KCNG4: variants seen among roughly 807,000 people sequenced by gnomAD.
The protein encoded by KCNG4 is potassium voltage-gated channel modifier subfamily G member 4.
KCNG4 carries 30 observed loss-of-function variants against 28.2 expected under a neutral mutation model. The observed-to-expected ratio is 1.06, with a 90% confidence interval of 0.80 to 1.44. The LOEUF (loss-of-function observed/expected upper bound fraction) is 1.44, where lower values mean the gene tolerates loss of function less well. Among genes scored for constraint, KCNG4 ranks in the 40% most tolerant of loss-of-function variants. The pLI is 0.00. For missense variants in KCNG4, 879 were observed against 712.3 expected (o/e 1.23, Z -2.66); for synonymous variants, 375 against 315.5 (o/e 1.19, Z -2.00).
intron 2 of KCNG4, among the ~76,000 whole-genome samples, chr16:84,223,512 T>G (rs931211614): frequency 1.3e-5 from 2 of 152,162 alleles, no homozygotes; most frequent in African/African-American, 2.4e-5. Context: ...TATTCTAGTT[T>G]GGGGTCTCTT....
chr16:84,229,419 A>G (rs140571223), intron 2 of KCNG4, among the ~76,000 whole-genome samples: 5 of 152,330 alleles, frequency 3.3e-5, no homozygotes, highest in South Asian at 2.1e-4. Context: ...TGTGGTGAGG[A>G]TTAAATTAGG....
rs1334966719 is a variant in KCNG4 at position 84,219,853 on chromosome 16, C to G, written c.*2364G>C. 1 of 151,972 alleles carries G rather than the reference C, an allele frequency of 6.6e-6. No individual in the cohort carries two copies. The highest frequency in any genetic ancestry group is 2.4e-5 in the African/African-American group (1 of 41,382). The allele number at this position is 151,972 out of a possible 1,614,324, so 9.4% of individuals were successfully genotyped here. ...CAGGAGTTCAAGACCAGCCTGTCCA[C>G]ATGGTGAAACCTTGTCTCTACTAAA... On this transcript the variant is annotated 3_prime_UTR_variant, in exon 3 of 3. Coordinates refer to ENST00000308251, the MANE Select transcript of KCNG4 (RefSeq NM_172347.3).
At chr16:84,227,228 C>T (rs1438383725) in intron 2 of KCNG4, among the ~76,000 whole-genome samples, 2 of 152,226 alleles carry the variant, frequency 1.3e-5, no homozygotes, top group Non-Finnish European at 2.9e-5. Flanking sequence ...TGCAACCCAG[C>T]TGTTCCACTC....
At chr16:84,223,965 G>T (rs1373783219) in intron 2 of KCNG4, among the ~76,000 whole-genome samples, 1 of 152,170 alleles carries the variant, frequency 6.6e-6, no homozygotes, top group Non-Finnish European at 1.5e-5. Flanking sequence ...TAGCTCAGCA[G>T]TTCCAGCTGG....
intron 2 of KCNG4, among the ~76,000 whole-genome samples, chr16:84,225,260 C>T (rs936440514): frequency 2.6e-5 from 4 of 151,742 alleles, no homozygotes; most frequent in African/African-American, 9.7e-5. Flanking sequence ...TCCTGAAGGG[C>T]TCAGAAGTTT....
chr16:84,230,497 G>C (rs546743183), intron 2 of KCNG4, among the ~76,000 whole-genome samples: 2 of 149,036 alleles, frequency 1.3e-5, no homozygotes, highest in South Asian at 2.1e-4. Flanking sequence ...GCGTGAACCC[G>C]GGGGGCAGAG....
chr16:84,238,562 G>T (rs188369687), intron 1 of KCNG4, among the ~76,000 whole-genome samples: 1 of 152,160 alleles, frequency 6.6e-6, no homozygotes, highest in South Asian at 2.1e-4. Flanking sequence ...CTCTGGGCCC[G>T]CAGGCTTTTA....
chr16:84,230,899 C>T (rs1441442828), intron 2 of KCNG4, among the ~76,000 whole-genome samples: 1 of 152,214 alleles, frequency 6.6e-6, no homozygotes, highest in Non-Finnish European at 1.5e-5. Context: ...GCCTGCTTCT[C>T]CCACCGGGTC....
Position 84,222,258 on chromosome 16 carries a change from G to C in KCNG4, c.1519C>G (p.Leu507Val), listed in dbSNP as rs773583627. The change falls in exon 3 of 3, where the codon CTA becomes GTA. Residue 507 changes from leucine (L) to valine (V), a missense_variant. Leu to Val is a conservative substitution (Grantham distance 32, BLOSUM62 1). Transcript: ENST00000308251. The stretch of plus-strand genomic sequence containing the variant: ...GGCAAGGCTGGGCCCTCCAGGATTA[G>C]GTCATTGACATCGTTCATGAGCTCA... ...EHELMNDVND[L>V]ILEGPALPIM... The C allele has an allele frequency of 1.8e-5, 29 of 1,614,056 alleles. No individual in the cohort carries two copies. The highest frequency in any genetic ancestry group is 2.4e-5 in the Non-Finnish European group (28 of 1,180,038).
chr16:84,236,552 A>T, intron 2 of KCNG4, 178 bp downstream of exon 2: 1 of 845,694 alleles, frequency 1.2e-6, no homozygotes, highest in Non-Finnish European at 1.7e-6. Flanking sequence ...AAAAAAAAAA[A>T]GATGGAAAAT....
intron 2 of KCNG4, among the ~76,000 whole-genome samples, chr16:84,227,910 G>T (rs1904733212): frequency 6.6e-6 from 1 of 152,140 alleles, no homozygotes; most frequent in Admixed American, 6.5e-5. Context: ...TGGGTGTCCG[G>T]GGCTGGATGG....
intron 2 of KCNG4, among the ~76,000 whole-genome samples, chr16:84,227,347 C>A (rs1299048214): frequency 6.6e-6 from 1 of 152,134 alleles, no homozygotes; most frequent in Non-Finnish European, 1.5e-5. Context: ...GAAGCCGAGG[C>A]GGGTGGATCA....
chr16:84,227,628 A>G (rs1323369158), intron 2 of KCNG4, among the ~76,000 whole-genome samples: 1 of 152,186 alleles, frequency 6.6e-6, no homozygotes, highest in Non-Finnish European at 1.5e-5. Flanking sequence ...ACAAAAGTCC[A>G]TGGTAGTATT....
Position 84,222,459 on chromosome 16 carries a change from G to T in KCNG4, c.1318C>A (p.Leu440Met), listed in dbSNP as rs149869704. Residue 440 changes from leucine (L) to methionine (M), a missense_variant, in exon 3 of 3, where the codon CTG (leucine) becomes ATG (methionine). Coordinates refer to ENST00000308251, the MANE Select transcript of KCNG4 (RefSeq NM_172347.3). ...PGQMVALSSI[L>M]SGILIMAFPA... ...AAGGCCATGATGAGGATCCCGCTCA[G>T]GATGCTGCTGAGGGCCACCATCTGG... The T allele has an allele frequency of 6.2e-7, 1 of 1,613,986 alleles. No individual in the cohort carries two copies. The highest frequency in any genetic ancestry group is 1.3e-5 in the African/African-American group (1 of 74,944).
chr16:84,236,355 C>G (rs1229771974), intron 2 of KCNG4: 2 of 351,230 alleles, frequency 5.7e-6, no homozygotes, highest in African/African-American at 4.2e-5. Context: ...GTGATGTTAC[C>G]CATTTCACGG....
chr16:84,231,113 G>T (rs550575720), intron 2 of KCNG4, among the ~76,000 whole-genome samples: 1 of 152,312 alleles, frequency 6.6e-6, no homozygotes, highest in East Asian at 1.9e-4. Flanking sequence ...CAGCCCCAAG[G>T]GGGAGCAGAA....
chr16:84,221,254 T>C lies in KCNG4; in HGVS notation c.*963A>G, dbSNP rs1323690107. 1 of 152,240 alleles carries C rather than the reference T, an allele frequency of 6.6e-6. No homozygotes were observed. The highest frequency in any genetic ancestry group is 2.4e-5 in the African/African-American group (1 of 41,460). The allele number at this position is 152,240 out of a possible 1,614,324, so 9.4% of individuals were successfully genotyped here. A position where few individuals can be genotyped will look rare whatever the true frequency, so the allele number is the denominator to read the frequency against. ...GACAGCACCTACAATTCCCCTTGTTTCTGTGCCAAAGCTACATTGAGTCCA... is the reference window on the plus strand; with the variant it reads ...GACAGCACCTACAATTCCCCTTGTTCCTGTGCCAAAGCTACATTGAGTCCA... On this transcript the variant is annotated 3_prime_UTR_variant, in exon 3 of 3. Transcript: ENST00000308251.
chr16:84,225,745 C>G (rs1260315699), intron 2 of KCNG4, among the ~76,000 whole-genome samples: 2 of 152,246 alleles, frequency 1.3e-5, no homozygotes, highest in Non-Finnish European at 2.9e-5. Context: ...TTTGGACACT[C>G]AAGCCATGCA....
rs371168758 is a variant in KCNG4, at chr16:84,237,279, C to A, written c.207G>T (p.Arg69Ser). The change falls in exon 2 of 3, where the codon AGG becomes AGT. Residue 69 changes from arginine (R) to serine (S), a missense_variant. Arg to Ser is a moderately radical substitution (Grantham distance 110, BLOSUM62 -1). Transcript: ENST00000308251. ...KEILINVGGR[R>S]YLLPWSTLDR... Reference sequence around the variant, plus strand: ...CCAGTGTGCTCCAGGGGAGGAGATACCTCCTGCCCCCCACGTTGATCAGGA... The same window carrying A: ...CCAGTGTGCTCCAGGGGAGGAGATAACTCCTGCCCCCCACGTTGATCAGGA... 5.6e-5 allele frequency: 90 copies of A among 1,607,556 alleles called. No individual in the cohort carries two copies. The Admixed American group carries it at 1.5e-3, about 27-fold the overall frequency.
Sources: gnomAD v4.1 joint callset for allele counts (sites outside exome capture counted in the v4.1 genomes callset) on GRCh38, gnomAD v4.1.1 for gene constraint, MANE v1.5 for transcripts, NCBI Gene and HGNC (gene_info 2026-07-23, HGNC 2026-07-21) for gene names.